The following RBFOX1 variants were observed in gnomAD, a reference collection of about 807,000 sequenced individuals.
RBFOX1 encodes the protein RNA binding fox-1 homolog 1.
Under a neutral mutation model 57.7 loss-of-function variants are expected in RBFOX1, and 8 were observed. That is an observed-to-expected ratio of 0.14 (90% CI 0.08 to 0.25). The LOEUF (loss-of-function observed/expected upper bound fraction) is 0.25. Ranked by LOEUF, RBFOX1 falls within the 10% of genes least tolerant of loss-of-function variation. The pLI, the probability that RBFOX1 is intolerant of heterozygous loss-of-function variation, is 1.00. For synonymous variants in RBFOX1, 326 were observed against 222.4 expected (o/e 1.47, Z -4.15); for missense variants, 611 against 548.5 (o/e 1.11, Z -1.14).
intron 2 of RBFOX1, among the ~76,000 whole-genome samples, chr16:6,426,700 C>T (rs975170001): frequency 3.3e-5 from 5 of 152,146 alleles, no homozygotes; most frequent in African/African-American, 4.8e-5. Flanking sequence ...GCCCCTATAC[C>T]CCCATTGAGA....
chr16:5,292,710 G>T (rs1267696251), intron 1 of RBFOX1, among the ~76,000 whole-genome samples: 1 of 151,962 alleles, frequency 6.6e-6, no homozygotes, highest in East Asian at 1.9e-4. Flanking sequence ...TGCAACCTCT[G>T]CCTCACTGGT....
chr16:7,329,521 A>T (rs2096656663), intron 4 of RBFOX1, among the ~76,000 whole-genome samples: 1 of 152,230 alleles, frequency 6.6e-6, no homozygotes, highest in Non-Finnish European at 1.5e-5. Flanking sequence ...GGGAGAGCAG[A>T]ACCTATGTTA....
chr16:6,386,826 C>G (rs1161274160), intron 2 of RBFOX1, among the ~76,000 whole-genome samples: 2 of 151,996 alleles, frequency 1.3e-5, no homozygotes, highest in East Asian at 3.9e-4. Context: ...ATGAGATGAT[C>G]AAGGGGCCAG....
At chr16:5,847,931 T>C (rs1014495209) in intron 3 of RBFOX1, among the ~76,000 whole-genome samples, 1 of 152,146 alleles carries the variant, frequency 6.6e-6, no homozygotes, top group Non-Finnish European at 1.5e-5. Flanking sequence ...CAGGAATAAA[T>C]AAGGCATTGT....
rs552195168 is a variant in RBFOX1 at position 7,701,676 on chromosome 16, G to GTCATCCCTATGGTCAATAAATGTATA, written c.996-7379_996-7354dup. On this transcript the variant is annotated intron_variant, in intron 14 of 15. Coordinates refer to ENST00000550418, the MANE Select transcript of RBFOX1 (RefSeq NM_018723.4). ...GAAGCTTTGAGGATAAGTGAGCTTG[G>GTCATCCCTATGGTCAATAAATGTATA]TCATCCCTATGGTCAATAAATGTAT... 4.4e-3 allele frequency among the ~76,000 whole-genome samples: 670 copies of GTCATCCCTATGGTCAATAAATGTATA among 152,232 alleles called. 4 individuals are homozygous for GTCATCCCTATGGTCAATAAATGTATA. Among genetic ancestry groups the GTCATCCCTATGGTCAATAAATGTATA allele is most frequent in the South Asian group, 0.024 (115 of 4,818 alleles).
chr16:7,455,608 G>T (rs374179046), intron 4 of RBFOX1, among the ~76,000 whole-genome samples: 1 of 151,322 alleles, frequency 6.6e-6, no homozygotes, highest in East Asian at 1.9e-4. Context: ...CCTAGGCAAC[G>T]TGGTGAAATC....
chr16:6,809,028 C>T (rs2087708178), intron 3 of RBFOX1, among the ~76,000 whole-genome samples: 1 of 152,152 alleles, frequency 6.6e-6, no homozygotes, highest in Admixed American at 6.5e-5. Flanking sequence ...GAGTATGCAC[C>T]TGTAACAATA....
chr16:6,370,993 G>T (rs2090354407), intron 2 of RBFOX1, among the ~76,000 whole-genome samples: 1 of 152,094 alleles, frequency 6.6e-6, no homozygotes, highest in African/African-American at 2.4e-5. Context: ...GATCCCAGTT[G>T]GGGTGTGCAT....
At position 5,856,575 on chromosome 16, in the gene RBFOX1, G is replaced by GTGTA. The variant is rs1192496608; in HGVS notation, c.319-10727_319-10726insGTAT. ...TGTGTGTGTGTGTATGTGTGTGTGT[G>GTGTA]TATATATATATATATATATATATAT... On this transcript the variant is annotated intron_variant, in intron 3 of 19. Transcript: ENST00000641259. 2.5e-3 allele frequency among the ~76,000 whole-genome samples: 83 copies of GTGTA among 32,918 alleles called. 4 individuals are homozygous for GTGTA. The highest frequency in any genetic ancestry group is 0.012 in the South Asian group (8 of 684). 21.6% of individuals were successfully genotyped at this position (32,918 alleles called of 152,430 possible).
At chr16:6,584,665 G>A (rs1252723274) in intron 2 of RBFOX1, among the ~76,000 whole-genome samples, 1 of 151,854 alleles carries the variant, frequency 6.6e-6, no homozygotes, top group African/African-American at 2.4e-5. Flanking sequence ...CACCATGCCC[G>A]GCCTGTGTTT....
intron 1 of RBFOX1, among the ~76,000 whole-genome samples, chr16:5,395,397 C>T (rs954292541): frequency 5.3e-5 from 8 of 152,136 alleles, no homozygotes; most frequent in Admixed American, 1.3e-4. Flanking sequence ...CTAGAGAGGC[C>T]AGTGATGGGT....
intron 3 of RBFOX1, among the ~76,000 whole-genome samples, chr16:6,908,439 C>G (rs189239368): frequency 1.4e-5 from 2 of 146,142 alleles, no homozygotes; most frequent in African/African-American, 4.9e-5. Flanking sequence ...TACCTCTGGC[C>G]TCTGGTGTGA....
intron 3 of RBFOX1, among the ~76,000 whole-genome samples, chr16:6,902,924 A>C (rs1687206163): frequency 6.6e-6 from 1 of 152,092 alleles, no homozygotes; most frequent in African/African-American, 2.4e-5. Context: ...TGTAGATTCT[A>C]CTCTTTACTT....
chr16:6,546,247 C>T (rs543913425), intron 2 of RBFOX1, among the ~76,000 whole-genome samples: 63 of 152,304 alleles, frequency 4.1e-4, no homozygotes, highest in Admixed American at 9.8e-4. Context: ...ATTTTCATGG[C>T]ACTCATATCG....
intron 2 of RBFOX1, among the ~76,000 whole-genome samples, chr16:6,548,404 G>T (rs1599501844): frequency 1.3e-5 from 2 of 152,080 alleles, no homozygotes; most frequent in African/African-American, 2.4e-5. Flanking sequence ...GTCTCTTTGG[G>T]CTTTTTAGGT....
chr16:5,985,718 T>A (rs1442073563), intron 4 of RBFOX1, among the ~76,000 whole-genome samples: 1 of 152,052 alleles, frequency 6.6e-6, no homozygotes, highest in Non-Finnish European at 1.5e-5. Flanking sequence ...TGCACACGCA[T>A]GGTACCTGGA....
chr16:7,042,370 C>A (rs563305341), intron 3 of RBFOX1, among the ~76,000 whole-genome samples: 3 of 152,242 alleles, frequency 2.0e-5, no homozygotes, highest in South Asian at 2.1e-4. Context: ...GAGAGGAAAC[C>A]TAGTCAACCC....
chr16:6,892,812 C>CTATT (rs2065832601), intron 3 of RBFOX1, among the ~76,000 whole-genome samples: 2 of 101,718 alleles, frequency 2.0e-5, no homozygotes, highest in Non-Finnish European at 4.5e-5. Context: ...CTCTCTCTCT[C>CTATT]TCTCTCTCTC....
intron 5 of RBFOX1, among the ~76,000 whole-genome samples, chr16:7,574,888 T>C (rs1182678495): frequency 6.6e-6 from 1 of 152,156 alleles, no homozygotes; most frequent in Non-Finnish European, 1.5e-5. Context: ...TCTTGAGAAC[T>C]TCGTGCTGCC....
Sources: allele counts gnomAD v4.1 joint callset (sites outside exome capture counted in the v4.1 genomes callset), GRCh38; gene constraint gnomAD v4.1.1; transcripts MANE v1.5; gene names NCBI Gene and HGNC (gene_info 2026-07-23, HGNC 2026-07-21).